Variants in UGT1A9 observed in about 807,000 individuals in gnomAD.
The protein encoded by UGT1A9 is UDP-glucuronosyltransferase 1A9.
A neutral mutation model predicts 45.0 loss-of-function variants in UGT1A9; 35 were observed. The ratio of observed to expected loss-of-function variants is 0.78; its 90% CI spans 0.59 to 1.03. The LOEUF is 1.03. Ranked by LOEUF, UGT1A9 falls within the 50% of genes least tolerant of loss-of-function variation. The pLI, the probability that UGT1A9 is intolerant of heterozygous loss-of-function variation, is 0.00. For synonymous variants in UGT1A9, 278 were observed against 250.6 expected (o/e 1.11, Z -1.03); for missense variants, 687 against 666.6 (o/e 1.03, Z -0.34).
Position 233,675,141 on chromosome 2 carries a change from C to A in UGT1A9, c.855+2352C>A, listed in dbSNP as rs114820333. Among the ~76,000 whole-genome samples the A allele has an allele frequency of 1.8e-3, 261 of 145,274 alleles. 3 individuals carry two copies. The highest frequency in any genetic ancestry group is 6.1e-3 in the African/African-American group (245 of 40,434). ...GTAACAAAATCTCCTTGAGGCTATCCAGGGGAATTACATCCAGGGATGTAA... is the reference window on the plus strand; with the variant it reads ...GTAACAAAATCTCCTTGAGGCTATCAAGGGGAATTACATCCAGGGATGTAA... On this transcript the variant is annotated intron_variant, in intron 1 of 4. Coordinates refer to ENST00000354728, the MANE Select transcript of UGT1A9 (RefSeq NM_021027.3).
intron 1 of UGT1A9, among the ~76,000 whole-genome samples, chr2:233,741,100 C>A (rs1335319606): frequency 1.3e-5 from 2 of 151,794 alleles, no homozygotes; most frequent in Non-Finnish European, 2.9e-5. Context: ...AGCAAACAGA[C>A]AATCAAGCTT....
chr2:233,772,862 C>A lies in UGT1A9; in HGVS notation c.*303C>A. 1 of 682,608 alleles carries A rather than the reference C, an allele frequency of 1.5e-6. No homozygotes were observed. The highest frequency in any genetic ancestry group is 2.2e-6 in the Non-Finnish European group (1 of 464,492). 42.3% of individuals were successfully genotyped at this position (682,608 alleles called of 1,614,324 possible). A position where few individuals can be genotyped will look rare whatever the true frequency, so the allele number is the denominator to read the frequency against. On this transcript the variant is annotated 3_prime_UTR_variant, in exon 5 of 5. Coordinates refer to ENST00000354728, the MANE Select transcript of UGT1A9 (RefSeq NM_021027.3). ...TTACTTTTCTTACTCTGAAACATGGCCTGTTTGGGAGTGCGGGATTCAAAG... is the reference window on the plus strand; with the variant it reads ...TTACTTTTCTTACTCTGAAACATGGACTGTTTGGGAGTGCGGGATTCAAAG...
At chr2:233,756,273 T>C (rs976483084) in intron 1 of UGT1A9, 1 of 152,230 alleles carries the variant, frequency 6.6e-6, no homozygotes. Context: ...TCAAGCTCCT[T>C]TTATAAAATG....
intron 1 of UGT1A9, among the ~76,000 whole-genome samples, chr2:233,694,601 C>A (rs187602409): frequency 6.6e-6 from 1 of 152,322 alleles, no homozygotes; most frequent in Admixed American, 6.5e-5. Flanking sequence ...TGAAGGGCTT[C>A]AGGCAACTCC....
intron 1 of UGT1A9, chr2:233,743,045 T>C (rs397706649): frequency 6.3e-6 from 2 of 318,190 alleles, no homozygotes; most frequent in Non-Finnish European, 6.1e-6. Context: ...CCTATCCGTG[T>C]AGTCCCAACG....
At chr2:233,707,056 A>AC (rs1214860717) in intron 1 of UGT1A9, among the ~76,000 whole-genome samples, 2 of 152,112 alleles carry the variant, frequency 1.3e-5, no homozygotes, top group Non-Finnish European at 2.9e-5. Flanking sequence ...GCTCAGGTGG[A>AC]CAGAGTCCCA....
At position 233,693,375 on chromosome 2, in the gene UGT1A9, T is replaced by A. The variant is rs372477458; in HGVS notation, c.855+20586T>A. Reference sequence around the variant, plus strand: ...ATGATTGTTATTGGCCTGTACTTCATCAACTGCCAGAGCCTCCTGCAGGAC... The same window carrying A: ...ATGATTGTTATTGGCCTGTACTTCAACAACTGCCAGAGCCTCCTGCAGGAC... On this transcript the variant is annotated intron_variant, in intron 1 of 4. Coordinates refer to ENST00000354728, the MANE Select transcript of UGT1A9 (RefSeq NM_021027.3). 1.2e-4 allele frequency: 199 copies of A among 1,614,066 alleles called. No individual in the cohort carries two copies. Among genetic ancestry groups the A allele is most frequent in the Non-Finnish European group, 1.6e-4 (194 of 1,180,050 alleles).
intron 1 of UGT1A9, among the ~76,000 whole-genome samples, chr2:233,689,284 G>A (rs2074934855): frequency 6.6e-6 from 1 of 152,118 alleles, no homozygotes; most frequent in African/African-American, 2.4e-5. Context: ...AACTAAACTG[G>A]GGTTCACTCA....
chr2:233,712,128 G>T (rs2076215932), intron 1 of UGT1A9, among the ~76,000 whole-genome samples: 1 of 152,208 alleles, frequency 6.6e-6, no homozygotes, highest in South Asian at 2.1e-4. Flanking sequence ...CAGAAGACTG[G>T]AGCCTTCAGC....
At chr2:233,732,592 G>T (rs1029582982) in intron 1 of UGT1A9, among the ~76,000 whole-genome samples, 1 of 152,094 alleles carries the variant, frequency 6.6e-6, no homozygotes, top group African/African-American at 2.4e-5. Flanking sequence ...TTTTTGTCAG[G>T]TTTGTCAAAG....
At chr2:233,682,762 C>A (rs760728918) in intron 1 of UGT1A9, 1 of 1,613,690 alleles carries the variant, frequency 6.2e-7, no homozygotes, top group Non-Finnish European at 8.5e-7. Context: ...TTGGTGGTAT[C>A]AACTGTCATC....
At chr2:233,682,090 G>A (rs777861201) in intron 1 of UGT1A9, 7 of 1,614,076 alleles carry the variant, frequency 4.3e-6, no homozygotes, top group Non-Finnish European at 5.9e-6. Flanking sequence ...TCATCCTCAG[G>A]GGGCATGAGG....
At chr2:233,698,592 A>G (rs1559349856) in intron 1 of UGT1A9, among the ~76,000 whole-genome samples, 1 of 152,200 alleles carries the variant, frequency 6.6e-6, no homozygotes, top group South Asian at 2.1e-4. Context: ...TAATCCAAGA[A>G]ATTCGGATTA....
At chr2:233,725,685 C>T (rs2077466808) in intron 1 of UGT1A9, among the ~76,000 whole-genome samples, 2 of 152,008 alleles carry the variant, frequency 1.3e-5, no homozygotes, top group African/African-American at 4.8e-5. Flanking sequence ...TTCAAGTGCT[C>T]AATAGTCATA....
rs1699315314 is a variant in UGT1A9, at chr2:233,767,062, G to A, written c.884G>A (p.Gly295Glu). The A allele has an allele frequency of 6.2e-7, 1 of 1,613,966 alleles. No individual in the cohort carries two copies. The highest frequency in any genetic ancestry group is 8.5e-7 in the Non-Finnish European group (1 of 1,180,016). Residue 295 changes from glycine (G) to glutamate (E), a missense_variant, in exon 2 of 5, where the codon GGA becomes GAA. Gly to Glu is a moderately conservative substitution (Grantham distance 98). Transcript: ENST00000354728. ...MEFEAYINAS[G>E]EHGIVVFSLG... is the part of the protein sequence containing the mutation. ...TTTGAAGCCTACATTAATGCTTCTG[G>A]AGAACATGGAATTGTGGTTTTCTCT...
intron 1 of UGT1A9, chr2:233,760,443 G>C (rs773136953): frequency 6.2e-7 from 1 of 1,614,250 alleles, no homozygotes; most frequent in South Asian, 1.1e-5. Flanking sequence ...AGCTGCAGCA[G>C]AGGGGACATG....
At chr2:233,729,642 T>C (rs1273465947) in intron 1 of UGT1A9, 5 of 1,613,940 alleles carry the variant, frequency 3.1e-6, no homozygotes, top group South Asian at 2.2e-5. Context: ...CTGTGTTTTT[T>C]TTGAGGAACA....
chr2:233,742,301 A>C (rs1405327803), intron 1 of UGT1A9, among the ~76,000 whole-genome samples: 1 of 152,018 alleles, frequency 6.6e-6, no homozygotes, highest in Admixed American at 6.5e-5. Context: ...TTATAGATTA[A>C]CTAAAAGTAT....
chr2:233,763,832 A>C (rs1698407491), intron 1 of UGT1A9, among the ~76,000 whole-genome samples: 2 of 152,232 alleles, frequency 1.3e-5, no homozygotes, highest in South Asian at 4.1e-4. Context: ...CTCCCCTGCC[A>C]GGGTAAGATA....
Sources: gnomAD v4.1 joint callset for allele counts (sites outside exome capture counted in the v4.1 genomes callset) on GRCh38, gnomAD v4.1.1 for gene constraint, MANE v1.5 for transcripts, NCBI Gene and HGNC (gene_info 2026-07-23, HGNC 2026-07-21) for gene names.